The following SH3PXD2A variants were observed in gnomAD, a reference collection of about 807,000 sequenced individuals.
SH3PXD2A encodes SH3 and PX domains 2A, also known as SH3 and PX domain-containing protein 2A.
SH3PXD2A carries 32 observed loss-of-function variants against 115.2 expected under a neutral mutation model. The observed-to-expected ratio is 0.28, with a 90% CI of 0.21 to 0.37. The LOEUF (loss-of-function observed/expected upper bound fraction) is 0.37, where lower values mean the gene tolerates loss of function less well. Ranked by LOEUF, SH3PXD2A falls within the 10% of genes least tolerant of loss-of-function variation. The pLI is 1.00. For missense variants in SH3PXD2A, 1,328 were observed against 1,498.7 expected, an observed-to-expected ratio of 0.89 and a Z score of 1.88; for synonymous variants, 610 against 629.1, an observed-to-expected ratio of 0.97 and a Z score of 0.45.
chr10:103,677,092 T>C (rs1254414169), intron 6 of SH3PXD2A, among the ~76,000 whole-genome samples: 1 of 152,216 alleles, frequency 6.6e-6, no homozygotes, highest in African/African-American at 2.4e-5. Flanking sequence ...GAGTGAGTGA[T>C]GGAGTCAATA....
intron 1 of SH3PXD2A, among the ~76,000 whole-genome samples, chr10:103,815,667 G>C: frequency 6.6e-6 from 1 of 151,678 alleles, no homozygotes; most frequent in East Asian, 1.9e-4. Context: ...GAGGCAGGCG[G>C]ATCACGGAGT....
intron 3 of SH3PXD2A, among the ~76,000 whole-genome samples, chr10:103,736,285 A>G: frequency 6.6e-6 from 1 of 152,200 alleles, no homozygotes; most frequent in Admixed American, 6.5e-5. Context: ...GGCGGGCACA[A>G]GGCAATACCA....
At chr10:103,751,524 A>G (rs886828936) in intron 3 of SH3PXD2A, among the ~76,000 whole-genome samples, 2 of 152,254 alleles carry the variant, frequency 1.3e-5, no homozygotes, top group Admixed American at 6.5e-5. Context: ...AAGGAGCACT[A>G]TGGGGATCTG....
chr10:103,660,960 C>T lies in SH3PXD2A; in HGVS notation c.604+23G>A, dbSNP rs373062211. The T allele has an allele frequency of 4.5e-5, 72 of 1,612,522 alleles. No homozygotes were observed. In the African/African-American group the frequency reaches 4.8e-4, roughly 11 times the overall value. ...GGGGCCAGACCGGAACCCCAGTGGA[C>T]GGCCATTGGCCAGGGCACTCACCGC... On this transcript the variant is annotated intron_variant, in intron 8 of 14. Transcript: ENST00000369774.
At chr10:103,734,641 C>A (rs529135911) in intron 4 of SH3PXD2A, among the ~76,000 whole-genome samples, 1 of 152,104 alleles carries the variant, frequency 6.6e-6, no homozygotes, top group Non-Finnish European at 1.5e-5. Context: ...CCCAGTTACT[C>A]GGAAGGCTGA....
rs1157217818 is a variant in SH3PXD2A at position 103,661,068 on chromosome 10, C to T, written c.519G>A (p.Val173=). ...AEPMILEQYV[V]VSNYKKQENS... ...TCTCCTGCTTCTTATAGTTGGACAC[C>T]ACCACGTACTGTTCCAGGATCATGG... The change falls in exon 8 of 15, where the codon GTG becomes GTA. Residue 173 remains valine, a synonymous_variant. Transcript: ENST00000369774. 1.2e-6 allele frequency: 2 copies of T among 1,613,988 alleles called. No homozygotes were observed. Among genetic ancestry groups the T allele is most frequent in the African/African-American group, 2.7e-5 (2 of 74,938 alleles).
At chr10:103,854,213 C>A (rs1021402779) in intron 1 of SH3PXD2A, among the ~76,000 whole-genome samples, 4 of 152,206 alleles carry the variant, frequency 2.6e-5, no homozygotes, top group African/African-American at 9.7e-5. Context: ...GCAACCAGCG[C>A]CTGTTTTAAC....
intron 7 of SH3PXD2A, chr10:103,661,703 T>C (rs1228654823): frequency 2.0e-6 from 2 of 984,978 alleles, no homozygotes; most frequent in Middle Eastern, 5.2e-4. Flanking sequence ...AGAGAGCTTC[T>C]CCACGGCCCA....
At chr10:103,624,716 A>G (rs1294334934) in intron 9 of SH3PXD2A, among the ~76,000 whole-genome samples, 1 of 152,232 alleles carries the variant, frequency 6.6e-6, no homozygotes, top group Non-Finnish European at 1.5e-5. Context: ...CAGGGCACCT[A>G]TGATGGGATG....
chr10:103,726,159 C>T (rs1225848456), intron 4 of SH3PXD2A, among the ~76,000 whole-genome samples: 1 of 152,190 alleles, frequency 6.6e-6, no homozygotes, highest in African/African-American at 2.4e-5. Context: ...AAACCCAGGA[C>T]TGGAGGAGTC....
In SH3PXD2A at chr10:103,783,931, C is replaced by T. The variant is rs563586378; in HGVS notation, c.154-16762G>A. The stretch of plus-strand genomic sequence containing the variant: ...TTCCCAGGCTCTGCTGCCAGCCCTT[C>T]TAATGAGGCTCTCCTTGGGGGAAAA... On this transcript the variant is annotated intron_variant, in intron 2 of 14. Coordinates refer to ENST00000369774, the MANE Select transcript of SH3PXD2A (RefSeq NM_001394015.1). Among the ~76,000 whole-genome samples, 66 of 152,354 alleles carry T rather than the reference C, an allele frequency of 4.3e-4. No individual in the cohort carries two copies. The South Asian group carries it at 0.011, about 26-fold the overall frequency.
intron 10 of SH3PXD2A, among the ~76,000 whole-genome samples, chr10:103,622,188 TC>T (rs1353862841): frequency 6.6e-6 from 1 of 151,908 alleles, no homozygotes; most frequent in Non-Finnish European, 1.5e-5. Flanking sequence ...AACCCCCTTG[TC>T]CCCCTCCTCA....
At chr10:103,755,286 T>C (rs1246854403) in intron 3 of SH3PXD2A, 1 of 152,244 alleles carries the variant, frequency 6.6e-6, no homozygotes, top group Non-Finnish European at 1.5e-5. Context: ...GGGCTTACTT[T>C]GTGCTTTTCA....
In SH3PXD2A at chr10:103,617,347, G is replaced by A. The variant is rs200698303; in HGVS notation, c.803-33C>T. ...TGGGAGCAAGCAAGCAAGATTATTTGAGGTCGGGGTGCAGGTCCTGCTTCC... is the reference window on the plus strand; with the variant it reads ...TGGGAGCAAGCAAGCAAGATTATTTAAGGTCGGGGTGCAGGTCCTGCTTCC... On this transcript the variant is annotated intron_variant, in intron 10 of 14. Coordinates refer to ENST00000369774, the MANE Select transcript of SH3PXD2A (RefSeq NM_001394015.1). 2.1e-4 allele frequency: 312 copies of A among 1,495,572 alleles called. No individual in the cohort carries two copies. The African/African-American group carries it at 3.9e-3, about 19-fold the overall frequency. 92.6% of individuals were successfully genotyped at this position (1,495,572 alleles called of 1,614,324 possible). A position where few individuals can be genotyped will look rare whatever the true frequency, so the allele number is the denominator to read the frequency against.
intron 1 of SH3PXD2A, among the ~76,000 whole-genome samples, chr10:103,836,398 C>T (rs1445173939): frequency 6.6e-6 from 1 of 151,434 alleles, no homozygotes; most frequent in African/African-American, 2.4e-5. Context: ...ACATCCCCAA[C>T]ACACACATTC....
At chr10:103,750,425 C>T (rs2038562439) in intron 3 of SH3PXD2A, among the ~76,000 whole-genome samples, 1 of 152,206 alleles carries the variant, frequency 6.6e-6, no homozygotes, top group Admixed American at 6.5e-5. Context: ...AGGCCTAGCA[C>T]TCCTTTTGGA....
intron 13 of SH3PXD2A, among the ~76,000 whole-genome samples, chr10:103,608,242 C>T (rs2036364401): frequency 6.8e-6 from 1 of 147,586 alleles, no homozygotes; most frequent in Non-Finnish European, 1.5e-5. Flanking sequence ...CTTCCGGAGT[C>T]CCGGAAGCCG....
At chr10:103,686,385 T>G (rs899193984) in intron 6 of SH3PXD2A, among the ~76,000 whole-genome samples, 1 of 152,156 alleles carries the variant, frequency 6.6e-6, no homozygotes, top group Non-Finnish European at 1.5e-5. Flanking sequence ...CCCGGCTAGG[T>G]GCCCTGGCGA....
At chr10:103,799,242 C>T (rs1439942519) in intron 2 of SH3PXD2A, among the ~76,000 whole-genome samples, 6 of 152,342 alleles carry the variant, frequency 3.9e-5, no homozygotes, top group African/African-American at 1.4e-4. Flanking sequence ...TCCCTTTGTT[C>T]TTCCTCTATA....
Sources: gnomAD v4.1 joint callset for allele counts (sites outside exome capture counted in the v4.1 genomes callset) on GRCh38, gnomAD v4.1.1 for gene constraint, MANE v1.5 for transcripts, NCBI Gene and HGNC (gene_info 2026-07-23, HGNC 2026-07-21) for gene names.